The following CCDC192 variants were observed in gnomAD, a reference collection of about 807,000 sequenced individuals.
The protein encoded by CCDC192 is coiled-coil domain containing 192.
intron 3 of CCDC192, among the ~76,000 whole-genome samples, chr5:127,782,256 G>C (rs971010499): frequency 6.6e-6 from 1 of 152,138 alleles, no homozygotes; most frequent in South Asian, 2.1e-4. Context: ...ATGTTCATCA[G>C]GGATATCGGT....
At chr5:127,835,149 T>C (rs1749977160) in intron 5 of CCDC192, among the ~76,000 whole-genome samples, 1 of 152,230 alleles carries the variant, frequency 6.6e-6, no homozygotes, top group Non-Finnish European at 1.5e-5. Context: ...TATGTGGTTC[T>C]ATGGTATGTG....
At chr5:127,926,169 A>T (rs1371682074) in intron 6 of CCDC192, among the ~76,000 whole-genome samples, 4 of 152,214 alleles carry the variant, frequency 2.6e-5, no homozygotes, top group African/African-American at 7.2e-5. Context: ...CTGCCGCTGC[A>T]ATTGGCCAAG....
intron 6 of CCDC192, among the ~76,000 whole-genome samples, chr5:127,931,080 G>A (rs1262637714): frequency 1.3e-5 from 2 of 152,208 alleles, no homozygotes; most frequent in Non-Finnish European, 2.9e-5. Flanking sequence ...ATTCTCAGGA[G>A]TGGGGGATTC....
chr5:127,867,210 C>G (rs1249574325), intron 5 of CCDC192, among the ~76,000 whole-genome samples: 1 of 152,182 alleles, frequency 6.6e-6, no homozygotes, highest in Non-Finnish European at 1.5e-5. Context: ...TGAACACATG[C>G]CTGTGCTTTC....
chr5:127,797,484 C>T (rs1176055466), intron 4 of CCDC192, among the ~76,000 whole-genome samples: 1 of 151,744 alleles, frequency 6.6e-6, no homozygotes, highest in African/African-American at 2.4e-5. Flanking sequence ...GCTGAATATT[C>T]TATTTATTTT....
In CCDC192 at chr5:127,874,708, G is replaced by GT. The variant is rs377684500; in HGVS notation, c.412-829dup. 4.7e-3 allele frequency among the ~76,000 whole-genome samples: 716 copies of GT among 152,276 alleles called. 4 individuals carry two copies. Among genetic ancestry groups the GT allele is most frequent in the African/African-American group, 0.016 (675 of 41,542 alleles). The stretch of plus-strand genomic sequence containing the variant: ...TACCAGCCCACAAAGACTTGGCAAG[G>GT]TGAGCTCTTCAGTGGAAAGGTAGCT... On this transcript the variant is annotated intron_variant, in intron 5 of 6. Coordinates refer to ENST00000514853, the MANE Select transcript of CCDC192 (RefSeq NM_001317938.2).
chr5:127,856,631 A>G (rs1051102380), intron 5 of CCDC192, among the ~76,000 whole-genome samples: 2 of 152,228 alleles, frequency 1.3e-5, no homozygotes, highest in African/African-American at 4.8e-5. Flanking sequence ...TTTGATTTAA[A>G]GCAAGAGACT....
intron 3 of CCDC192, among the ~76,000 whole-genome samples, chr5:127,764,224 G>A (rs867621969): frequency 1.3e-5 from 2 of 152,274 alleles, no homozygotes; most frequent in East Asian, 1.9e-4. Context: ...AACAGTGAGG[G>A]ACTGAGAAGG....
intron 3 of CCDC192, among the ~76,000 whole-genome samples, chr5:127,779,854 C>T (rs1006837020): frequency 6.6e-6 from 1 of 151,906 alleles, no homozygotes; most frequent in Admixed American, 6.6e-5. Flanking sequence ...TACACTGCAC[C>T]CTATTTGTAA....
chr5:127,897,023 A>G (rs781066341), intron 6 of CCDC192, among the ~76,000 whole-genome samples: 2 of 151,952 alleles, frequency 1.3e-5, no homozygotes, highest in African/African-American at 2.4e-5. Flanking sequence ...TTAAAACTGC[A>G]GGTCAACTTT....
intron 2 of CCDC192, among the ~76,000 whole-genome samples, chr5:127,734,215 T>C (rs1393488818): frequency 1.3e-5 from 2 of 151,598 alleles, no homozygotes; most frequent in Admixed American, 1.3e-4. Context: ...CTGAGAATGA[T>C]GATTTCCAAT....
chr5:127,849,244 A>G (rs1002576435), intron 5 of CCDC192, among the ~76,000 whole-genome samples: 3 of 152,122 alleles, frequency 2.0e-5, no homozygotes, highest in Non-Finnish European at 4.4e-5. Context: ...AAATAAATAA[A>G]TAAATAAAAG....
At chr5:127,744,727 A>C (rs1399733008) in intron 2 of CCDC192, among the ~76,000 whole-genome samples, 1 of 152,170 alleles carries the variant, frequency 6.6e-6, no homozygotes, top group African/African-American at 2.4e-5. Context: ...ATTTTCTTTT[A>C]CTTGGGTTTT....
Position 127,849,122 on chromosome 5 carries a change from C to T in CCDC192, c.412-26416C>T, listed in dbSNP as rs146583527. On this transcript the variant is annotated intron_variant, in intron 5 of 6. Coordinates refer to ENST00000514853, the MANE Select transcript of CCDC192 (RefSeq NM_001317938.2). ...ACAGGTGCCTATAATCTCAGCTACT[C>T]GGGAGGCTGAGGTGGGAGAATCAAT... Among the ~76,000 whole-genome samples, 8 of 152,126 alleles carry T rather than the reference C, an allele frequency of 5.3e-5. No homozygotes were observed. In the East Asian group the frequency reaches 5.8e-4, roughly 11 times the overall value.
At chr5:127,765,699 TAAAC>T (rs1755182930) in intron 3 of CCDC192, among the ~76,000 whole-genome samples, 1 of 152,174 alleles carries the variant, frequency 6.6e-6, no homozygotes, top group African/African-American at 2.4e-5. Flanking sequence ...ATTTTATTAA[TAAAC>T]AAAATAGTAA....
At chr5:127,877,940 A>G (rs1752150709) in intron 6 of CCDC192, among the ~76,000 whole-genome samples, 1 of 152,226 alleles carries the variant, frequency 6.6e-6, no homozygotes, top group Non-Finnish European at 1.5e-5. Context: ...GCACATGTAA[A>G]CAAACCAAGA....
rs940830330 is a variant in CCDC192 at position 127,941,170 on chromosome 5, T to G, written c.536-12T>G. ...AAAACTGCTCAGACTTTCCTTTTCTTGTTTGCTTTAGAAGACAGCTTGCTG... is the reference window on the plus strand; with the variant it reads ...AAAACTGCTCAGACTTTCCTTTTCTGGTTTGCTTTAGAAGACAGCTTGCTG... On this transcript the variant is annotated splice_polypyrimidine_tract_variant and intron_variant, in intron 6 of 6. Transcript: ENST00000514853. 5.0e-6 allele frequency: 2 copies of G among 398,968 alleles called. No homozygotes were observed. The highest frequency in any genetic ancestry group is 8.8e-6 in the Non-Finnish European group (2 of 226,070). The allele number at this position is 398,968 out of a possible 1,614,324, so 24.7% of individuals were successfully genotyped here. A position where few individuals can be genotyped will look rare whatever the true frequency, so the allele number is the denominator to read the frequency against.
At chr5:127,922,280 A>G (rs1046451228) in intron 6 of CCDC192, among the ~76,000 whole-genome samples, 2 of 152,230 alleles carry the variant, frequency 1.3e-5, no homozygotes, top group Middle Eastern at 3.2e-3. Context: ...TATTTAATTT[A>G]TTAAAACTCT....
Position 127,747,073 on chromosome 5 carries a change from T to A in CCDC192, c.115-7195T>A, listed in dbSNP as rs1400001898. 4.0e-5 allele frequency among the ~76,000 whole-genome samples: 6 copies of A among 151,740 alleles called. 1 individual carries two copies. The highest frequency in any genetic ancestry group is 5.9e-5 in the Non-Finnish European group (4 of 67,982). ...TATGTAGGAATGCAGTTCATTCTTT[T>A]TTTTTTTTATTTCTTGTTTCTTTTT... On this transcript the variant is annotated intron_variant, in intron 2 of 6. Transcript: ENST00000514853.
Sources: gnomAD v4.1 joint callset for allele counts (sites outside exome capture counted in the v4.1 genomes callset) on GRCh38, gnomAD v4.1.1 for gene constraint, MANE v1.5 for transcripts, NCBI Gene and HGNC (gene_info 2026-07-23, HGNC 2026-07-21) for gene names.